The following CA8 variants were observed in gnomAD, a reference collection of about 807,000 sequenced individuals.
CA8 encodes carbonic anhydrase 8 (inactive).
CA8 carries 22 observed loss-of-function variants against 41.4 expected under a neutral mutation model. The observed-to-expected ratio is 0.53, with a 90% CI of 0.38 to 0.76. The LOEUF is 0.76. Ranked by LOEUF, CA8 falls within the 30% of genes least tolerant of loss-of-function variation. CA8 has a pLI of 0.00. For missense variants in CA8, 270 were observed against 352.8 expected, an observed-to-expected ratio of 0.77 and a Z score of 1.88; for synonymous variants, 121 against 130.6, an observed-to-expected ratio of 0.93 and a Z score of 0.50.
At chr8:60,205,116 A>G (rs1287664766) in intron 8 of CA8, among the ~76,000 whole-genome samples, 5 of 152,192 alleles carry the variant, frequency 3.3e-5, no homozygotes, top group African/African-American at 4.8e-5. Context: ...CAATGGGACT[A>G]TTTGGAGATG....
Position 60,198,607 on chromosome 8 carries a change from TTGAC to T in CA8, c.*36-8626_*36-8623del, listed in dbSNP as rs550964058. ...AATCCCTGGTGTGTTGTAAGGGTGA[TTGAC>T]TATCTAATTACTTCTTAATTGAATG... On this transcript the variant is annotated intron_variant, in intron 8 of 8. Coordinates refer to ENST00000317995, the MANE Select transcript of CA8 (RefSeq NM_004056.6). 7.1e-3 allele frequency among the ~76,000 whole-genome samples: 1,078 copies of T among 152,254 alleles called. 11 individuals carry two copies. Among genetic ancestry groups the T allele is most frequent in the Non-Finnish European group, 8.6e-3 (586 of 67,988 alleles).
intron 4 of CA8, among the ~76,000 whole-genome samples, chr8:60,228,360 G>A (rs7832990): frequency 0.012 from 1,858 of 152,204 alleles, 45 homozygotes; most frequent in African/African-American, 0.042. Flanking sequence ...CATTCTTCAG[G>A]AGAAATGGAC....
In CA8 at chr8:60,261,812, C is replaced by T. The variant is rs562325784; in HGVS notation, c.417+4113G>A. 2.6e-5 allele frequency among the ~76,000 whole-genome samples: 4 copies of T among 152,230 alleles called. No homozygotes were observed. In the East Asian group the frequency reaches 5.8e-4, roughly 22 times the overall value. ...CTGCAAGCTCCGCCTCCCGGGTTCACGCCATTCTCCTGCCTCGGCCTCCCA... is the reference window on the plus strand; with the variant it reads ...CTGCAAGCTCCGCCTCCCGGGTTCATGCCATTCTCCTGCCTCGGCCTCCCA... On this transcript the variant is annotated intron_variant, in intron 3 of 8. Coordinates refer to ENST00000317995, the MANE Select transcript of CA8 (RefSeq NM_004056.6).
chr8:60,230,557 C>T (rs551600169), intron 4 of CA8, among the ~76,000 whole-genome samples: 64 of 152,098 alleles, frequency 4.2e-4, no homozygotes, highest in Non-Finnish European at 7.8e-4. Flanking sequence ...CCGACCCCCC[C>T]GATGGATTTC....
intron 4 of CA8, among the ~76,000 whole-genome samples, chr8:60,227,962 G>A (rs1213671363): frequency 3.9e-5 from 6 of 152,156 alleles, no homozygotes; most frequent in African/African-American, 7.2e-5. Context: ...AGTAATGGAG[G>A]TCATTTAGAA....
chr8:60,266,077 T>C, intron 2 of CA8, 28 bp from the exon 3 acceptor site: 2 of 1,609,896 alleles, frequency 1.2e-6, no homozygotes, highest in Non-Finnish European at 1.7e-6. Flanking sequence ...TGTTACCGAA[T>C]TACAGCACAC....
At chr8:60,207,320 A>C (rs542786167) in intron 8 of CA8, among the ~76,000 whole-genome samples, 1 of 152,360 alleles carries the variant, frequency 6.6e-6, no homozygotes, top group East Asian at 1.9e-4. Context: ...TAGATCCATC[A>C]GAACATTATA....
intron 3 of CA8, among the ~76,000 whole-genome samples, chr8:60,242,495 T>C (rs1484708536): frequency 2.0e-5 from 3 of 152,096 alleles, no homozygotes; most frequent in Non-Finnish European, 2.9e-5. Context: ...CAGAGCGGGG[T>C]ACACTGCACA....
intron 4 of CA8, among the ~76,000 whole-genome samples, chr8:60,228,940 T>C (rs1282571782): frequency 2.0e-5 from 3 of 152,140 alleles, no homozygotes; most frequent in Admixed American, 2.0e-4. Context: ...GAAGAAATGA[T>C]GACCAGCAAA....
In CA8 at chr8:60,229,124, G is replaced by A. The variant is rs114868867; in HGVS notation, c.514-2189C>T. On this transcript the variant is annotated intron_variant, in intron 4 of 8. Coordinates refer to ENST00000317995, the MANE Select transcript of CA8 (RefSeq NM_004056.6). ...CTGGAAATGCAAACCACTTTGGTCC[G>A]TTCTCCTTTCCTGGCATCTCAGCCC... Among the ~76,000 whole-genome samples the A allele has an allele frequency of 2.7e-3, 407 of 151,156 alleles. 1 individual carries two copies. Among genetic ancestry groups the A allele is most frequent in the African/African-American group, 9.4e-3 (388 of 41,126 alleles).
chr8:60,257,185 C>T (rs1391140719), intron 3 of CA8, among the ~76,000 whole-genome samples: 2 of 152,070 alleles, frequency 1.3e-5, no homozygotes, highest in African/African-American at 2.4e-5. Flanking sequence ...GCCATTTTGG[C>T]CAGGCTGCTC....
intron 4 of CA8, 86 bp from the exon 5 acceptor site, chr8:60,227,021 G>A: frequency 1.1e-6 from 1 of 945,378 alleles, no homozygotes; most frequent in East Asian, 2.4e-5. Context: ...GCTGAGTGTG[G>A]TGGCTCATGC....
chr8:60,251,405 TC>T (rs1808440423), intron 3 of CA8, among the ~76,000 whole-genome samples: 1 of 152,182 alleles, frequency 6.6e-6, no homozygotes, highest in African/African-American at 2.4e-5. Context: ...AATATAAAAT[TC>T]CTAGAATTTA....
At chr8:60,258,367 AATATATATAGGTTTGTTACTAG>A (rs1280339394) in intron 3 of CA8, among the ~76,000 whole-genome samples, 4 of 152,188 alleles carry the variant, frequency 2.6e-5, no homozygotes, top group Non-Finnish European at 4.4e-5. Flanking sequence ...ACGAACTATT[AATATATATAGGTTTGTTACTAG>A]CTACAGTTTT....
intron 3 of CA8, among the ~76,000 whole-genome samples, chr8:60,259,443 T>C (rs1231209709): frequency 1.3e-5 from 2 of 152,192 alleles, no homozygotes; most frequent in Non-Finnish European, 2.9e-5. Flanking sequence ...CTTTTGTATA[T>C]CCTCAAACAA....
chr8:60,232,177 T>C (rs1006076385), intron 4 of CA8, 107 bp downstream of exon 4: 29 of 798,868 alleles, frequency 3.6e-5, no homozygotes, highest in African/African-American at 8.5e-5. Context: ...TCTCTCTATG[T>C]GTGTAATTTC....
chr8:60,249,489 T>C (rs753828161), intron 3 of CA8, among the ~76,000 whole-genome samples: 4 of 152,230 alleles, frequency 2.6e-5, no homozygotes, highest in Admixed American at 6.5e-5. Context: ...GATGTATGCA[T>C]AGCAAACACA....
At chr8:60,263,481 A>T (rs140448236) in intron 3 of CA8, among the ~76,000 whole-genome samples, 20 of 152,316 alleles carry the variant, frequency 1.3e-4, no homozygotes, top group African/African-American at 4.3e-4. Context: ...TGAGAAAAAA[A>T]AAAAGTCAGT....
At chr8:60,279,341 T>C (rs189492219) in intron 2 of CA8, among the ~76,000 whole-genome samples, 3 of 152,336 alleles carry the variant, frequency 2.0e-5, no homozygotes, top group Admixed American at 2.0e-4. Flanking sequence ...TATGATTATC[T>C]AAGTGATTTA....
Sources: gnomAD v4.1 joint callset for allele counts (sites outside exome capture counted in the v4.1 genomes callset) on GRCh38, gnomAD v4.1.1 for gene constraint, MANE v1.5 for transcripts, NCBI Gene and HGNC (gene_info 2026-07-23, HGNC 2026-07-21) for gene names.